The following DMD variants were observed in gnomAD, a reference collection of about 807,000 sequenced individuals.
The protein encoded by DMD is mutant dystrophin.
DMD carries 63 observed loss-of-function variants against 330.1 expected under a neutral mutation model. The ratio of observed to expected loss-of-function variants is 0.19; its 90% CI spans 0.16 to 0.24. The LOEUF is 0.24. Ranked by LOEUF, DMD falls within the 10% of genes least tolerant of loss-of-function variation. The pLI is 1.00. For missense variants in DMD, 3,344 were observed against 2,684.1 expected, an observed-to-expected ratio of 1.25 and a Z score of -5.43; for synonymous variants, 1,223 against 959.8, an observed-to-expected ratio of 1.27 and a Z score of -5.07.
intron 2 of DMD, among the ~76,000 whole-genome samples, chrX:32,948,060 G>T (rs1206600568): frequency 9.1e-6 from 1 of 109,552 alleles, no homozygotes; most frequent in Non-Finnish European, 1.9e-5. Flanking sequence ...TACTAGACTT[G>T]TCACCTTATT....
intron 9 of DMD, among the ~76,000 whole-genome samples, chrX:32,666,321 T>C (rs1392977364): frequency 9.0e-6 from 1 of 110,903 alleles, no homozygotes; most frequent in African/African-American, 3.3e-5. Flanking sequence ...AAGCCCTGCA[T>C]GCATTAGGTA....
chrX:31,308,511 T>G (rs1364570462), intron 62 of DMD, among the ~76,000 whole-genome samples: 1 of 111,893 alleles, frequency 8.9e-6, no homozygotes, highest in Non-Finnish European at 1.9e-5. Flanking sequence ...CCAGTGGGGC[T>G]ATCTAGAATT....
rs187513829 is a variant in DMD, at chrX:33,079,264, G to A, written c.32-59064C>T. ...CGACCTCAGGTGATCTGCCCACCTC[G>A]GCCTCCTAACGTGCTGGGATTACAG... On this transcript the variant is annotated intron_variant, in intron 1 of 78. Coordinates refer to ENST00000357033, the MANE Select transcript of DMD (RefSeq NM_004006.3). 4.0e-3 allele frequency among the ~76,000 whole-genome samples: 441 copies of A among 111,315 alleles called. 1 individual carries two copies. The highest frequency in any genetic ancestry group is 7.2e-3 in the Non-Finnish European group (382 of 53,037).
intron 44 of DMD, among the ~76,000 whole-genome samples, chrX:32,112,116 C>T (rs896174381): frequency 9.2e-5 from 10 of 109,081 alleles, no homozygotes; most frequent in African/African-American, 3.2e-4. Flanking sequence ...AGAAAGATGA[C>T]AAAGAAATGT....
intron 25 of DMD, among the ~76,000 whole-genome samples, chrX:32,462,576 C>A (rs2098387253): frequency 9.1e-6 from 1 of 109,786 alleles, no homozygotes; most frequent in African/African-American, 3.4e-5. Context: ...ATGAGAAACT[C>A]AAATATGAGT....
intron 2 of DMD, among the ~76,000 whole-genome samples, chrX:32,902,158 A>AACACACACACACACACAC (rs774414536): frequency 1.2e-5 from 1 of 86,633 alleles, no homozygotes; most frequent in African/African-American, 4.6e-5. Flanking sequence ...CACACACACA[A>AACACACACACACACACAC]ACACACACAC....
chrX:32,038,465 G>A (rs2095969949), intron 44 of DMD, among the ~76,000 whole-genome samples: 2 of 111,767 alleles, frequency 1.8e-5, no homozygotes, highest in Non-Finnish European at 3.8e-5. Context: ...TGGGATATCA[G>A]AGAAACTCTA....
intron 48 of DMD, among the ~76,000 whole-genome samples, chrX:31,839,832 C>T (rs1401720497): frequency 9.0e-6 from 1 of 111,510 alleles, no homozygotes; most frequent in Non-Finnish European, 1.9e-5. Flanking sequence ...AATGTGGGAC[C>T]TCTAATCAGG....
chrX:31,690,930 G>C (rs1207768166), intron 52 of DMD, among the ~76,000 whole-genome samples: 1 of 110,285 alleles, frequency 9.1e-6, no homozygotes, highest in Non-Finnish European at 1.9e-5. Flanking sequence ...AGAACACCTG[G>C]ACGCAGGAAG....
chrX:31,242,834 C>T (rs1224123179), intron 63 of DMD, among the ~76,000 whole-genome samples: 3 of 110,102 alleles, frequency 2.7e-5, no homozygotes, highest in Non-Finnish European at 3.8e-5. Flanking sequence ...CATTAATAAA[C>T]GATACCACTA....
intron 1 of DMD, among the ~76,000 whole-genome samples, chrX:33,294,063 C>T (rs1021311800): frequency 9.0e-6 from 1 of 111,249 alleles, no homozygotes; most frequent in Non-Finnish European, 1.9e-5. Context: ...AGAAGAAGCA[C>T]CCTGTTTTTG....
chrX:32,386,172 A>G, intron 33 of DMD, 138 bp downstream of exon 33: 1 of 602,831 alleles, frequency 1.7e-6, no homozygotes, highest in Non-Finnish European at 2.8e-6. Flanking sequence ...GTGTGTATAT[A>G]TATACGTATA....
At chrX:31,786,254 G>A (rs2091291205) in intron 50 of DMD, among the ~76,000 whole-genome samples, 2 of 111,649 alleles carry the variant, frequency 1.8e-5, no homozygotes, top group Non-Finnish European at 3.8e-5. Flanking sequence ...GTCTTCTTTT[G>A]AGAAGAGTCT....
intron 48 of DMD, among the ~76,000 whole-genome samples, chrX:31,855,294 G>T (rs1157548267): frequency 8.9e-6 from 1 of 111,768 alleles, no homozygotes; most frequent in Non-Finnish European, 1.9e-5. Flanking sequence ...AGGGAATACA[G>T]TAGATCTAAG....
intron 47 of DMD, among the ~76,000 whole-genome samples, chrX:31,876,043 G>A (rs745973790): frequency 1.3e-3 from 150 of 112,392 alleles, no homozygotes; most frequent in Middle Eastern, 4.6e-3. Flanking sequence ...ACAGAAGCAG[G>A]TGGTTGAGAT....
At chrX:31,747,473 A>G (rs2087946482) in intron 51 of DMD, among the ~76,000 whole-genome samples, 1 of 111,340 alleles carries the variant, frequency 9.0e-6, no homozygotes. Flanking sequence ...GATTTTAGAC[A>G]TACTTGTCTA....
intron 44 of DMD, among the ~76,000 whole-genome samples, chrX:32,040,290 C>T (rs1311526253): frequency 2.7e-5 from 3 of 111,139 alleles, no homozygotes; most frequent in African/African-American, 9.8e-5. Flanking sequence ...ACAATCCCCA[C>T]TAGATTTTAA....
At chrX:31,467,799 C>CT (rs1270044664) in intron 59 of DMD, among the ~76,000 whole-genome samples, 1 of 111,392 alleles carries the variant, frequency 9.0e-6, no homozygotes, top group African/African-American at 3.3e-5. Flanking sequence ...TGTTCCTGGG[C>CT]TTTTTTTGGT....
intron 15 of DMD, among the ~76,000 whole-genome samples, chrX:32,567,367 C>T (rs1455679477): frequency 9.0e-6 from 1 of 111,559 alleles, no homozygotes. Flanking sequence ...AAATAAAACT[C>T]ACGGTGTGGG....
Sources: allele counts gnomAD v4.1 joint callset (sites outside exome capture counted in the v4.1 genomes callset), GRCh38; gene constraint gnomAD v4.1.1; transcripts MANE v1.5; gene names NCBI Gene and HGNC (gene_info 2026-07-23, HGNC 2026-07-21).